The following OTUD7A variants were observed in gnomAD, a reference collection of about 807,000 sequenced individuals.
The protein encoded by OTUD7A is OTU deubiquitinase 7A.
OTUD7A carries 12 observed loss-of-function variants against 65.7 expected under a neutral mutation model. The ratio of observed to expected loss-of-function variants is 0.18; its 90% CI spans 0.12 to 0.30. The LOEUF is 0.30. Ranked by LOEUF, OTUD7A falls within the 10% of genes least tolerant of loss-of-function variation. OTUD7A has a pLI of 1.00. For missense variants in OTUD7A, 1,148 were observed against 1,304.8 expected, an observed-to-expected ratio of 0.88 and a Z score of 1.85; for synonymous variants, 641 against 586.3, an observed-to-expected ratio of 1.09 and a Z score of -1.35.
chr15:31,753,433 TC>T (rs1472353170), intron 1 of OTUD7A, among the ~76,000 whole-genome samples: 3 of 151,372 alleles, frequency 2.0e-5, no homozygotes, highest in Non-Finnish European at 2.9e-5. Context: ...CTATTTCTAG[TC>T]TTTTATCCTT....
At chr15:31,639,013 A>G (rs938583175) in intron 3 of OTUD7A, among the ~76,000 whole-genome samples, 1 of 152,116 alleles carries the variant, frequency 6.6e-6, no homozygotes, top group African/African-American at 2.4e-5. Context: ...GGGTGCCTGT[A>G]GTCGCAGCTA....
At chr15:31,609,214 C>T (rs1055118165) in intron 3 of OTUD7A, among the ~76,000 whole-genome samples, 1 of 152,190 alleles carries the variant, frequency 6.6e-6, no homozygotes, top group Non-Finnish European at 1.5e-5. Flanking sequence ...TGGGCAAGAG[C>T]CTCCTGGCCA....
chr15:31,699,480 C>T (rs1251769069), intron 1 of OTUD7A, among the ~76,000 whole-genome samples: 4 of 152,052 alleles, frequency 2.6e-5, no homozygotes, highest in African/African-American at 9.7e-5. Context: ...ATGTTTTGCA[C>T]GTGTTTGGGG....
At chr15:31,793,735 G>C (rs1895879385) in intron 1 of OTUD7A, among the ~76,000 whole-genome samples, 1 of 152,198 alleles carries the variant, frequency 6.6e-6, no homozygotes, top group South Asian at 2.1e-4. Flanking sequence ...GATTAAAAAT[G>C]ACTTGGAGCA....
chr15:31,848,837 A>C (rs1394361144), intron 1 of OTUD7A, among the ~76,000 whole-genome samples: 2 of 152,110 alleles, frequency 1.3e-5, no homozygotes, highest in African/African-American at 2.4e-5. Context: ...TGCACTGGGC[A>C]CTCTCAGGCC....
At chr15:31,844,015 T>G (rs1897245428) in intron 1 of OTUD7A, among the ~76,000 whole-genome samples, 1 of 152,222 alleles carries the variant, frequency 6.6e-6, no homozygotes, top group South Asian at 2.1e-4. Flanking sequence ...ACCTCATTAA[T>G]TCTCTCTGCA....
chr15:31,567,927 C>T (rs574168656), intron 4 of OTUD7A, among the ~76,000 whole-genome samples: 22 of 152,268 alleles, frequency 1.4e-4, no homozygotes, highest in Non-Finnish European at 2.8e-4. Flanking sequence ...TGAGGTTTGG[C>T]AACCTCTGCC....
intron 1 of OTUD7A, among the ~76,000 whole-genome samples, chr15:31,717,231 T>A (rs1017027719): frequency 2.6e-5 from 2 of 77,214 alleles, no homozygotes; most frequent in African/African-American, 1.2e-4. Context: ...AGTCTATCAC[T>A]TTTTTTCTTT....
At chr15:31,827,484 G>A (rs1482665322) in intron 1 of OTUD7A, among the ~76,000 whole-genome samples, 1 of 152,246 alleles carries the variant, frequency 6.6e-6, no homozygotes, top group Non-Finnish European at 1.5e-5. Context: ...TTCAAGATGA[G>A]ATTTGGGTGG....
chr15:31,835,053 A>G (rs754991722), intron 1 of OTUD7A, among the ~76,000 whole-genome samples: 1 of 152,190 alleles, frequency 6.6e-6, no homozygotes. Context: ...AATTAAATAC[A>G]TATTACACAA....
At chr15:31,726,431 TA>T (rs1179675688) in intron 1 of OTUD7A, among the ~76,000 whole-genome samples, 11 of 150,670 alleles carry the variant, frequency 7.3e-5, no homozygotes, top group African/African-American at 2.7e-4. Context: ...ATTTCATAAT[TA>T]AAAAAAAATC....
intron 1 of OTUD7A, among the ~76,000 whole-genome samples, chr15:31,835,961 AC>A (rs11300365): frequency 0.94 from 142,179 of 151,914 alleles, 67,255 homozygotes; most frequent in East Asian, 1. Context: ...AATCCAAAAT[AC>A]CCCCAATGAG....
chr15:31,706,652 AG>A (rs1893325496), intron 1 of OTUD7A, among the ~76,000 whole-genome samples: 1 of 150,582 alleles, frequency 6.6e-6, no homozygotes, highest in Non-Finnish European at 1.5e-5. Flanking sequence ...AACAGTGTTT[AG>A]TTTATGAAAA....
chr15:31,680,551 C>T (rs978688873), intron 1 of OTUD7A, among the ~76,000 whole-genome samples: 7 of 152,138 alleles, frequency 4.6e-5, no homozygotes, highest in African/African-American at 1.7e-4. Context: ...AGAAGGAAAA[C>T]TGGCTATGGT....
rs1566873594 is a variant in OTUD7A, at chr15:31,478,543, T to C, written c.*4751A>G. On this transcript the variant is annotated 3_prime_UTR_variant, in exon 13 of 13. Coordinates refer to ENST00000307050, the MANE Select transcript of OTUD7A (RefSeq NM_001382637.1). Reference sequence around the variant, plus strand: ...ACATTACTAGCATGGTTGGAGATGATGGCTTCAGTGCTACTCTGCAACTAC... The same window carrying C: ...ACATTACTAGCATGGTTGGAGATGACGGCTTCAGTGCTACTCTGCAACTAC... 6.6e-6 allele frequency: 1 copy of C among 152,224 alleles called. No individual in the cohort carries two copies. Among genetic ancestry groups the C allele is most frequent in the South Asian group, 2.1e-4 (1 of 4,836 alleles). The allele number at this position is 152,224 out of a possible 1,614,324, so 9.4% of individuals were successfully genotyped here.
At chr15:31,553,297 C>T (rs116245666) in intron 5 of OTUD7A, among the ~76,000 whole-genome samples, 67 of 152,268 alleles carry the variant, frequency 4.4e-4, no homozygotes, top group African/African-American at 1.5e-3. Flanking sequence ...CTGTAGGGCC[C>T]CAGCCTGAGT....
chr15:31,868,636 G>A (rs1228672099), intron 1 of OTUD7A, among the ~76,000 whole-genome samples: 1 of 152,136 alleles, frequency 6.6e-6, no homozygotes, highest in Non-Finnish European at 1.5e-5. Context: ...ACCATCAGGA[G>A]GTCAGAGGCC....
chr15:31,785,314 C>T (rs111949791), intron 1 of OTUD7A, among the ~76,000 whole-genome samples: 5 of 152,140 alleles, frequency 3.3e-5, no homozygotes, highest in Non-Finnish European at 5.9e-5. Flanking sequence ...GGTAAGCTTT[C>T]GGTACATTTG....
At chr15:31,811,467 G>C (rs1414584714) in intron 1 of OTUD7A, among the ~76,000 whole-genome samples, 1 of 151,900 alleles carries the variant, frequency 6.6e-6, no homozygotes, top group African/African-American at 2.4e-5. Context: ...ATGGTGTAGT[G>C]TCTGTAGATG....
Sources: allele counts gnomAD v4.1 joint callset (sites outside exome capture counted in the v4.1 genomes callset), GRCh38; gene constraint gnomAD v4.1.1; transcripts MANE v1.5; gene names NCBI Gene and HGNC (gene_info 2026-07-23, HGNC 2026-07-21).